The following CFI variants were observed in gnomAD, a reference collection of about 807,000 sequenced individuals.
CFI encodes complement factor I.
In CFI, 66 loss-of-function variants were observed where a neutral mutation model predicts 78.8. That is an observed-to-expected ratio of 0.84 (90% CI 0.69 to 1.03). The LOEUF (loss-of-function observed/expected upper bound fraction) is 1.03, where lower values mean the gene tolerates loss of function less well. CFI is among the 50% of genes least tolerant of loss of function. The pLI is 0.00. For synonymous variants in CFI, 250 were observed against 232.6 expected (o/e 1.07, Z -0.68); for missense variants, 706 against 704.5 (o/e 1.00, Z -0.02).
chr4:109,744,634 C>A (rs1459326275), intron 11 of CFI, among the ~76,000 whole-genome samples: 1 of 152,128 alleles, frequency 6.6e-6, no homozygotes, highest in Non-Finnish European at 1.5e-5. Flanking sequence ...CTTTCAGATC[C>A]AGGAGTTAAG....
Position 109,768,455 on chromosome 4 carries a change from C to T in CFI, c.58-1631G>A, listed in dbSNP as rs141689240. On this transcript the variant is annotated intron_variant, in intron 1 of 12. Transcript: ENST00000394634. Reference sequence around the variant, plus strand: ...CCTCCTGAAACGTGAATTTCCTCATCGTAAAATGAGATAATATCTCCTATT... The same window carrying T: ...CCTCCTGAAACGTGAATTTCCTCATTGTAAAATGAGATAATATCTCCTATT... Among the ~76,000 whole-genome samples, 840 of 151,908 alleles carry T rather than the reference C, an allele frequency of 5.5e-3. 9 individuals are homozygous for T. Among genetic ancestry groups the T allele is most frequent in the African/African-American group, 0.019 (785 of 41,410 alleles).
chr4:109,763,988 T>C (rs967119784), intron 3 of CFI, among the ~76,000 whole-genome samples: 2 of 148,630 alleles, frequency 1.3e-5, no homozygotes, highest in African/African-American at 2.4e-5. Flanking sequence ...GTATATATAC[T>C]ATAATTATAG....
At chr4:109,773,183 A>T (rs1311807152) in intron 1 of CFI, among the ~76,000 whole-genome samples, 1 of 152,190 alleles carries the variant, frequency 6.6e-6, no homozygotes, top group Non-Finnish European at 1.5e-5. Flanking sequence ...CACATGTAAC[A>T]TGGGTTCCCT....
At chr4:109,760,458 G>A in intron 5 of CFI, 65 bp downstream of exon 5, 1 of 1,490,474 alleles carries the variant, frequency 6.7e-7, no homozygotes, top group Admixed American at 1.7e-5. Context: ...CAATAGTAAA[G>A]TTGCTTTTCC....
intron 1 of CFI, among the ~76,000 whole-genome samples, chr4:109,780,373 G>A (rs887786249): frequency 1.3e-5 from 2 of 152,178 alleles, no homozygotes; most frequent in African/African-American, 2.4e-5. Context: ...AGACATTTAT[G>A]CAGCCAACAG....
At chr4:109,760,205 A>G (rs1726859466) in intron 6 of CFI, 65 bp downstream of exon 6, 2 of 1,116,988 alleles carry the variant, frequency 1.8e-6, no homozygotes, top group Admixed American at 1.7e-5. Context: ...TACTTTACCT[A>G]AAGAAAAGTT....
chr4:109,742,705 T>C, intron 11 of CFI, 110 bp from the exon 12 acceptor site: 2 of 722,290 alleles, frequency 2.8e-6, no homozygotes, highest in East Asian at 2.7e-5. Flanking sequence ...GTTTTCAATA[T>C]ATATAAATTT....
At chr4:109,745,167 C>A (rs531695198) in intron 11 of CFI, among the ~76,000 whole-genome samples, 1 of 152,188 alleles carries the variant, frequency 6.6e-6, no homozygotes, top group East Asian at 1.9e-4. Context: ...AAGGTTAAAT[C>A]TTCCTTTTTT....
At chr4:109,779,129 A>C (rs185046207) in intron 1 of CFI, among the ~76,000 whole-genome samples, 53,239 of 151,826 alleles carry the variant, frequency 0.35, 9,737 homozygotes, top group East Asian at 0.44. Flanking sequence ...GAAGTTCTGA[A>C]CAGGGCAATC....
In CFI at chr4:109,763,029, T is replaced by C. The variant is rs79369623; in HGVS notation, c.483-1337A>G. Among the ~76,000 whole-genome samples, 1,425 of 152,276 alleles carry C rather than the reference T, an allele frequency of 9.4e-3. 64 individuals are homozygous for C. The East Asian group carries it at 0.13, about 14-fold the overall frequency. On this transcript the variant is annotated intron_variant, in intron 3 of 12. Transcript: ENST00000394634. ...TAACAATATAAGAGACTCTCACTAATGAACTACTAGCAGATGTGGTTTAAG... is the reference window on the plus strand; with the variant it reads ...TAACAATATAAGAGACTCTCACTAACGAACTACTAGCAGATGTGGTTTAAG...
At chr4:109,798,925 A>C (rs1375131763) in intron 1 of CFI, among the ~76,000 whole-genome samples, 1 of 152,042 alleles carries the variant, frequency 6.6e-6, no homozygotes, top group Non-Finnish European at 1.5e-5. Context: ...CCAGAAAAAC[A>C]AATCAAAATC....
intron 1 of CFI, among the ~76,000 whole-genome samples, chr4:109,790,572 G>A (rs1346200795): frequency 6.6e-6 from 1 of 151,992 alleles, no homozygotes; most frequent in Non-Finnish European, 1.5e-5. Context: ...TATTTTTCCT[G>A]ATGCTCTTCC....
intron 1 of CFI, among the ~76,000 whole-genome samples, chr4:109,773,629 G>A (rs1188484843): frequency 6.6e-6 from 1 of 152,122 alleles, no homozygotes; most frequent in Non-Finnish European, 1.5e-5. Flanking sequence ...TCAAACCCTC[G>A]AGAACTACTG....
chr4:109,783,641 A>C (rs1421971152), intron 1 of CFI, among the ~76,000 whole-genome samples: 2 of 151,862 alleles, frequency 1.3e-5, no homozygotes, highest in Non-Finnish European at 2.9e-5. Flanking sequence ...CTAAAAGTAG[A>C]ACTACCATCA....
chr4:109,766,460 T>C (rs1292007798), intron 2 of CFI, 94 bp downstream of exon 2: 2 of 1,468,550 alleles, frequency 1.4e-6, no homozygotes, highest in African/African-American at 2.8e-5. Context: ...GTTGTCATCA[T>C]AACATACACA....
At chr4:109,749,075 C>A in intron 10 of CFI, 143 bp downstream of exon 10, 1 of 830,172 alleles carries the variant, frequency 1.2e-6, no homozygotes, top group Non-Finnish European at 2.1e-6. Context: ...GAATTCCAGT[C>A]GCGAATACCA....
downstream of CFI, among the ~76,000 whole-genome samples, chr4:109,738,183 C>G (rs1723480374): frequency 6.7e-6 from 1 of 149,896 alleles, no homozygotes; most frequent in Non-Finnish European, 1.5e-5. Flanking sequence ...GCTGCAATCA[C>G]AGCTCACTGC....
intron 1 of CFI, among the ~76,000 whole-genome samples, chr4:109,776,240 T>A (rs981062648): frequency 3.3e-5 from 5 of 152,212 alleles, no homozygotes; most frequent in African/African-American, 1.2e-4. Context: ...ATTAGATGAA[T>A]GGCTAACTAG....
chr4:109,741,858 G>A (rs1300540005), intron 12 of CFI: 1 of 156,838 alleles, frequency 6.4e-6, no homozygotes, highest in Non-Finnish European at 1.4e-5. Flanking sequence ...TACACTGGCT[G>A]GTACTTTGCC....
Sources: allele counts gnomAD v4.1 joint callset (sites outside exome capture counted in the v4.1 genomes callset), GRCh38; gene constraint gnomAD v4.1.1; transcripts MANE v1.5; gene names NCBI Gene and HGNC (gene_info 2026-07-23, HGNC 2026-07-21).